Variants in PRKN observed in about 807,000 individuals in gnomAD.
The protein encoded by PRKN is parkin RBR E3 ubiquitin protein ligase, also known as E3 ubiquitin-protein ligase parkin.
Under a neutral mutation model 59.5 loss-of-function variants are expected in PRKN, and 56 were observed. The observed-to-expected ratio is 0.94, with a 90% CI of 0.76 to 1.18. The LOEUF (loss-of-function observed/expected upper bound fraction) is 1.18. Among genes scored for constraint, PRKN ranks in the 50% most tolerant of loss-of-function variants. The pLI is 0.00. For synonymous variants in PRKN, 250 were observed against 222.1 expected (o/e 1.13, Z -1.12); for missense variants, 657 against 596.4 (o/e 1.10, Z -1.06).
intron 4 of PRKN, among the ~76,000 whole-genome samples, chr6:162,099,011 TAGCTTTTAATAAA>T (rs549680428): frequency 0.036 from 5,543 of 152,326 alleles, 157 homozygotes; most frequent in Middle Eastern, 0.075. Context: ...CAAGGTACTA[TAGCTTTTAATAAA>T]AGCTCTTTGT....
intron 4 of PRKN, among the ~76,000 whole-genome samples, chr6:162,165,912 G>A (rs1782956976): frequency 6.6e-6 from 1 of 151,938 alleles, no homozygotes. Flanking sequence ...GCCGGGTGTG[G>A]TGGTGGGCAC....
At chr6:161,952,652 C>T (rs758626571) in intron 6 of PRKN, among the ~76,000 whole-genome samples, 10 of 152,096 alleles carry the variant, frequency 6.6e-5, no homozygotes, top group Non-Finnish European at 1.5e-4. Flanking sequence ...AATAAAATTA[C>T]AGTAGTAAAA....
At chr6:162,727,606 C>A in intron 1 of PRKN, 56 bp downstream of exon 1, 1 of 1,547,596 alleles carries the variant, frequency 6.5e-7, no homozygotes, top group Admixed American at 1.9e-5. Flanking sequence ...GGGCGTGGCG[C>A]CATACCGGGG....
At chr6:161,537,170 T>C (rs1239969704) in intron 9 of PRKN, among the ~76,000 whole-genome samples, 3 of 152,232 alleles carry the variant, frequency 2.0e-5, no homozygotes, top group Non-Finnish European at 4.4e-5. Context: ...TCTGAACACA[T>C]AGCTTTTCTA....
intron 1 of PRKN, among the ~76,000 whole-genome samples, chr6:162,485,584 C>T (rs900204055): frequency 6.6e-6 from 1 of 152,168 alleles, no homozygotes; most frequent in African/African-American, 2.4e-5. Flanking sequence ...TCTTCCTCTC[C>T]ACAACTAGTA....
At chr6:162,509,667 T>C (rs1284083997) in intron 1 of PRKN, among the ~76,000 whole-genome samples, 3 of 152,174 alleles carry the variant, frequency 2.0e-5, no homozygotes, top group Non-Finnish European at 4.4e-5. Flanking sequence ...AGCAAATGTC[T>C]TACATTACAA....
chr6:162,189,141 A>G (rs1400233264), intron 4 of PRKN, among the ~76,000 whole-genome samples: 1 of 151,532 alleles, frequency 6.6e-6, no homozygotes, highest in East Asian at 2.0e-4. Flanking sequence ...TATCTTCTAT[A>G]GGAGGGAATT....
chr6:161,685,158 A>G (rs1785507602), intron 7 of PRKN, among the ~76,000 whole-genome samples: 1 of 152,198 alleles, frequency 6.6e-6, no homozygotes, highest in Admixed American at 6.5e-5. Context: ...AAATTTTGAC[A>G]GGTTTGCCAG....
At chr6:161,438,847 G>A (rs1050953845) in intron 9 of PRKN, among the ~76,000 whole-genome samples, 1 of 152,120 alleles carries the variant, frequency 6.6e-6, no homozygotes, top group African/African-American at 2.4e-5. Context: ...TGACGAGTAT[G>A]CCTTTTACTG....
At chr6:162,293,870 G>A (rs1047930691) in intron 2 of PRKN, among the ~76,000 whole-genome samples, 1 of 152,132 alleles carries the variant, frequency 6.6e-6, no homozygotes, top group African/African-American at 2.4e-5. Flanking sequence ...AGTAGAGATG[G>A]GGTTTCACCG....
intron 7 of PRKN, among the ~76,000 whole-genome samples, chr6:161,597,428 G>T (rs1206373081): frequency 6.6e-6 from 1 of 152,190 alleles, no homozygotes; most frequent in Non-Finnish European, 1.5e-5. Context: ...ATGACCGAAT[G>T]GTGAACATGC....
chr6:162,723,778 T>C (rs1259613529), intron 1 of PRKN, among the ~76,000 whole-genome samples: 1 of 152,252 alleles, frequency 6.6e-6, no homozygotes, highest in Non-Finnish European at 1.5e-5. Flanking sequence ...ACAACAGTTG[T>C]CTGTAAACCT....
At chr6:162,071,668 C>T (rs1404542109) in intron 4 of PRKN, among the ~76,000 whole-genome samples, 1 of 151,152 alleles carries the variant, frequency 6.6e-6, no homozygotes, top group Non-Finnish European at 1.5e-5. Context: ...GCGATCCTGG[C>T]AAACTGCAAC....
chr6:162,221,120 T>A (rs1241402036), intron 3 of PRKN, among the ~76,000 whole-genome samples: 1 of 152,206 alleles, frequency 6.6e-6, no homozygotes, highest in African/African-American at 2.4e-5. Context: ...CTGGAATAGT[T>A]TCTTTTTTAA....
At chr6:161,436,111 G>C (rs62435941) in intron 9 of PRKN, among the ~76,000 whole-genome samples, 34,366 of 77,558 alleles carry the variant, frequency 0.44, 9,874 homozygotes, top group East Asian at 0.9. Flanking sequence ...AGCAGGGGAG[G>C]AGGATGGGAG....
intron 7 of PRKN, among the ~76,000 whole-genome samples, chr6:161,781,207 A>G (rs1790191135): frequency 6.6e-6 from 1 of 152,212 alleles, no homozygotes; most frequent in Non-Finnish European, 1.5e-5. Flanking sequence ...TAGTTATTAA[A>G]CATTAAGGAA....
At chr6:162,578,392 CAA>C (rs1456907905) in intron 1 of PRKN, among the ~76,000 whole-genome samples, 2 of 152,092 alleles carry the variant, frequency 1.3e-5, no homozygotes, top group Non-Finnish European at 2.9e-5. Context: ...GACTTTGCAA[CAA>C]AAGTTTAACA....
At chr6:161,567,038 TGTGTG>T (rs1780675892) in intron 8 of PRKN, among the ~76,000 whole-genome samples, 1 of 78,596 alleles carries the variant, frequency 1.3e-5, no homozygotes, top group African/African-American at 5.5e-5. Context: ...TTTTTTTTTT[TGTGTG>T]TGTGTGTGTG....
intron 1 of PRKN, among the ~76,000 whole-genome samples, chr6:162,587,894 G>A (rs1781127962): frequency 6.6e-6 from 1 of 151,836 alleles, no homozygotes; most frequent in Non-Finnish European, 1.5e-5. Context: ...GTTGCAAGGA[G>A]ATTATACATC....
Sources: gnomAD v4.1 joint callset for allele counts (sites outside exome capture counted in the v4.1 genomes callset) on GRCh38, gnomAD v4.1.1 for gene constraint, MANE v1.5 for transcripts, NCBI Gene and HGNC (gene_info 2026-07-23, HGNC 2026-07-21) for gene names.